The following NBAS variants were observed in gnomAD, a reference collection of about 807,000 sequenced individuals.
NBAS encodes the protein NAG/BC035112 fusion.
In NBAS, 219 loss-of-function variants were observed where a neutral mutation model predicts 302.5. That is an observed-to-expected ratio of 0.72 (90% confidence interval 0.65 to 0.81). NBAS has a LOEUF of 0.81. Among genes scored for constraint, NBAS ranks in the 30% least tolerant of loss-of-function variants. NBAS has a pLI of 0.00. For synonymous variants in NBAS, 1,118 were observed against 1,021.6 expected, an observed-to-expected ratio of 1.09 and a Z score of -1.80; for missense variants, 2,932 against 2,841.6, an observed-to-expected ratio of 1.03 and a Z score of -0.72.
At position 15,330,515 on chromosome 2, in the gene NBAS, T is replaced by C. The variant is rs866643213; in HGVS notation, c.4347+83A>G. ...TAACAATCTAGAGAAGATAAAGATA[T>C]AACAGTGAAAACAACTGAAACATTG... On this transcript the variant is annotated intron_variant, in intron 36 of 51. Transcript: ENST00000281513. 8 of 1,547,896 alleles carry C rather than the reference T, an allele frequency of 5.2e-6. No homozygotes were observed. In the African/African-American group the frequency reaches 8.2e-5, roughly 16 times the overall value.
intron 44 of NBAS, 59 bp from the exon 45 acceptor site, chr2:15,238,745 G>A (rs1174864084): frequency 6.8e-7 from 1 of 1,477,174 alleles, no homozygotes; most frequent in Non-Finnish European, 9.2e-7. Context: ...TGCATATTCA[G>A]CAAGTGTTAA....
At chr2:15,474,447 CAAGATT>C in intron 14 of NBAS, 123 bp from the exon 15 acceptor site, 3 of 1,029,294 alleles carry the variant, frequency 2.9e-6, no homozygotes, top group South Asian at 1.7e-5. Context: ...GCTATGTGAT[CAAGATT>C]AACAATGGAA....
At chr2:14,912,703 T>TAAAAAAAAAAAAAAAAAAAAAAAAAAA in the NBAS span, among the ~76,000 whole-genome samples, 1 of 78,554 alleles carries the variant, frequency 1.3e-5, no homozygotes, top group Non-Finnish European at 2.9e-5. Flanking sequence ...CATTCATTTT[T>TAAAAAAAAAAAAAAAAAAAAAAAAAAA]AAAAAAAAAA....
At chr2:15,364,197 A>G (rs1674080687) in intron 32 of NBAS, among the ~76,000 whole-genome samples, 1 of 152,166 alleles carries the variant, frequency 6.6e-6, no homozygotes, top group Non-Finnish European at 1.5e-5. Context: ...AATAAAATAC[A>G]CTGGAAATGA....
At chr2:15,489,045 G>C (rs779936369) in intron 11 of NBAS, 23 bp from the exon 12 acceptor site, 5 of 1,611,670 alleles carry the variant, frequency 3.1e-6, no homozygotes, top group Non-Finnish European at 4.2e-6. Flanking sequence ...CATAAGGTCA[G>C]GGCAAAGGAC....
chr2:15,111,608 C>A, the NBAS span, among the ~76,000 whole-genome samples: 1 of 151,968 alleles, frequency 6.6e-6, no homozygotes, highest in Non-Finnish European at 1.5e-5. Flanking sequence ...GCAGTCTGCA[C>A]CCTGTGAAAT....
chr2:15,150,810 C>T, the NBAS span, among the ~76,000 whole-genome samples: 4 of 152,252 alleles, frequency 2.6e-5, no homozygotes, highest in Admixed American at 6.5e-5. Context: ...CTGTAAAGTT[C>T]GCTCTGTGAC....
At chr2:15,363,372 C>T (rs1674034824) in intron 32 of NBAS, among the ~76,000 whole-genome samples, 1 of 152,120 alleles carries the variant, frequency 6.6e-6, no homozygotes, top group South Asian at 2.1e-4. Context: ...GGATGCATTC[C>T]TTTCTCTTAT....
At chr2:15,506,172 G>T (rs1661839964) in intron 10 of NBAS, among the ~76,000 whole-genome samples, 1 of 151,942 alleles carries the variant, frequency 6.6e-6, no homozygotes, top group South Asian at 2.1e-4. Context: ...GATTGCCAGA[G>T]AATCTGAAGA....
the NBAS span, among the ~76,000 whole-genome samples, chr2:15,002,403 G>C: frequency 3.9e-5 from 6 of 152,198 alleles, no homozygotes; most frequent in Non-Finnish European, 8.8e-5. Context: ...GGACATAAAG[G>C]TTCTCCACGT....
At chr2:14,968,666 C>T in the NBAS span, among the ~76,000 whole-genome samples, 1 of 152,130 alleles carries the variant, frequency 6.6e-6, no homozygotes, top group Admixed American at 6.5e-5. Context: ...TTCACACTCT[C>T]TAGGATGACT....
At chr2:15,430,893 G>A (rs1350111624) in intron 21 of NBAS, among the ~76,000 whole-genome samples, 5 of 152,016 alleles carry the variant, frequency 3.3e-5, no homozygotes, top group Middle Eastern at 3.4e-3. Context: ...TGCAACCTCC[G>A]TCTCTCAAGT....
intron 31 of NBAS, among the ~76,000 whole-genome samples, chr2:15,368,554 G>T (rs1480211540): frequency 6.6e-6 from 1 of 152,068 alleles, no homozygotes; most frequent in Non-Finnish European, 1.5e-5. Flanking sequence ...GTTGTGTGTG[G>T]CCTTTACTAT....
chr2:15,548,560 A>G (rs1288541866), intron 6 of NBAS, among the ~76,000 whole-genome samples: 2 of 152,190 alleles, frequency 1.3e-5, no homozygotes, highest in Non-Finnish European at 2.9e-5. Context: ...GGAGAATCAC[A>G]TGAACCTGGG....
the NBAS span, among the ~76,000 whole-genome samples, chr2:14,818,378 A>G: frequency 6.6e-6 from 1 of 152,132 alleles, no homozygotes; most frequent in African/African-American, 2.4e-5. Context: ...TGCATCTACC[A>G]TCTCATTTAC....
At chr2:15,340,655 A>G (rs1487817226) in intron 35 of NBAS, among the ~76,000 whole-genome samples, 1 of 152,190 alleles carries the variant, frequency 6.6e-6, no homozygotes, top group African/African-American at 2.4e-5. Context: ...GTATGAATGC[A>G]TCTAAGGAAT....
chr2:15,200,812 C>G (rs1665839997), intron 48 of NBAS, among the ~76,000 whole-genome samples: 2 of 152,174 alleles, frequency 1.3e-5, no homozygotes, highest in Non-Finnish European at 1.5e-5. Flanking sequence ...CACCTATTAT[C>G]AGTAGAAGAC....
chr2:15,085,022 C>A, the NBAS span, among the ~76,000 whole-genome samples: 1 of 152,184 alleles, frequency 6.6e-6, no homozygotes, highest in Non-Finnish European at 1.5e-5. Flanking sequence ...CGGACAGCGC[C>A]CCACCTCCTC....
chr2:15,361,556 G>A (rs771022262), intron 32 of NBAS, among the ~76,000 whole-genome samples: 4 of 152,046 alleles, frequency 2.6e-5, no homozygotes, highest in African/African-American at 4.8e-5. Context: ...AATTCGGAAT[G>A]TTATTTTCAA....
Sources: allele counts gnomAD v4.1 joint callset (sites outside exome capture counted in the v4.1 genomes callset), GRCh38; gene constraint gnomAD v4.1.1; transcripts MANE v1.5; gene names NCBI Gene and HGNC (gene_info 2026-07-23, HGNC 2026-07-21).